NAV3: variants seen among roughly 807,000 people sequenced by gnomAD.
NAV3 encodes pore membrane and/or filament interacting like protein 1.
A neutral mutation model predicts 244.7 loss-of-function variants in NAV3; 87 were observed. The observed-to-expected ratio is 0.36, with a 90% CI of 0.30 to 0.42. NAV3 has a LOEUF of 0.42. NAV3 is among the 20% of genes least tolerant of loss of function. The pLI is 1.00. For synonymous variants in NAV3, 1,126 were observed against 1,042.2 expected (o/e 1.08, Z -1.55); for missense variants, 2,663 against 2,893.3 (o/e 0.92, Z 1.83).
intron 2 of NAV3, among the ~76,000 whole-genome samples, chr12:77,704,473 A>G (rs1183338495): frequency 6.6e-6 from 1 of 152,188 alleles, no homozygotes; most frequent in African/African-American, 2.4e-5. Flanking sequence ...TATCCAAAAT[A>G]GTATTGTGTA....
intron 2 of NAV3, among the ~76,000 whole-genome samples, chr12:77,732,982 T>G (rs1306732232): frequency 6.6e-6 from 1 of 152,048 alleles, no homozygotes; most frequent in Non-Finnish European, 1.5e-5. Context: ...AAGAGCCTTG[T>G]CATAGTGAAG....
chr12:77,834,967 G>T (rs750957991), intron 1 of NAV3, among the ~76,000 whole-genome samples: 6 of 152,078 alleles, frequency 3.9e-5, no homozygotes, highest in Admixed American at 6.6e-5. Flanking sequence ...GGCTGCAAAA[G>T]CAGAAAAGTC....
At chr12:78,045,542 C>T (rs2137147107) in intron 9 of NAV3, among the ~76,000 whole-genome samples, 1 of 152,292 alleles carries the variant, frequency 6.6e-6, no homozygotes, top group East Asian at 1.9e-4. Context: ...ATCTGCCCAC[C>T]TCAGCCTCCC....
intron 2 of NAV3, among the ~76,000 whole-genome samples, chr12:77,623,223 A>G (rs1383116676): frequency 6.6e-6 from 1 of 152,232 alleles, no homozygotes; most frequent in Non-Finnish European, 1.5e-5. Flanking sequence ...GATTTTTTAT[A>G]TTAAAATTAG....
At chr12:78,030,768 A>G (rs550703416) in intron 9 of NAV3, among the ~76,000 whole-genome samples, 1 of 152,324 alleles carries the variant, frequency 6.6e-6, no homozygotes, top group Admixed American at 6.5e-5. Flanking sequence ...GGAAACAACT[A>G]ACTTAGCTGT....
chr12:77,626,560 A>G (rs1029729001), intron 2 of NAV3, among the ~76,000 whole-genome samples: 1 of 152,142 alleles, frequency 6.6e-6, no homozygotes, highest in African/African-American at 2.4e-5. Flanking sequence ...AAAAGCATCC[A>G]GTCACATATA....
At chr12:77,647,135 C>T (rs1032240901) in intron 2 of NAV3, among the ~76,000 whole-genome samples, 16 of 151,746 alleles carry the variant, frequency 1.1e-4, no homozygotes, top group African/African-American at 2.2e-4. Context: ...AAGGTAACGA[C>T]GGTAGCAGCA....
chr12:78,081,631 G>A (rs1953357963), intron 12 of NAV3, among the ~76,000 whole-genome samples: 2 of 152,128 alleles, frequency 1.3e-5, no homozygotes, highest in Non-Finnish European at 2.9e-5. Flanking sequence ...ATAGGCAGGG[G>A]CAAATCTGGA....
rs368239669 is a variant in NAV3, at chr12:78,188,209, C to T, written c.5791-39C>T. 150 of 1,403,630 alleles carry T rather than the reference C, an allele frequency of 1.1e-4. 1 individual carries two copies. The highest frequency in any genetic ancestry group is 7.8e-4 in the South Asian group (66 of 84,416). 86.9% of individuals were successfully genotyped at this position (1,403,630 alleles called of 1,614,324 possible). Reference sequence around the variant, plus strand: ...AAAATGTAGTAATAAAAAAGATACACGGTTGGATTTTATCTTACTTTATTT... The same window carrying T: ...AAAATGTAGTAATAAAAAAGATACATGGTTGGATTTTATCTTACTTTATTT... On this transcript the variant is annotated intron_variant, in intron 31 of 39. Coordinates refer to ENST00000397909, the MANE Select transcript of NAV3 (RefSeq NM_001024383.2).
chr12:78,095,602 C>G (rs547762975), intron 12 of NAV3, among the ~76,000 whole-genome samples: 136 of 152,182 alleles, frequency 8.9e-4, no homozygotes, highest in African/African-American at 3.2e-3. Flanking sequence ...GGGAGAGATA[C>G]CAGTTAGGAG....
At chr12:77,662,516 A>C (rs1476873324) in intron 2 of NAV3, among the ~76,000 whole-genome samples, 1 of 152,084 alleles carries the variant, frequency 6.6e-6, no homozygotes, top group East Asian at 1.9e-4. Flanking sequence ...AAAAAGTCTA[A>C]TTCTGAAATT....
At chr12:77,595,600 C>A (rs895587274) in intron 2 of NAV3, among the ~76,000 whole-genome samples, 1 of 152,078 alleles carries the variant, frequency 6.6e-6, no homozygotes, top group Non-Finnish European at 1.5e-5. Context: ...CTGTAGTAAT[C>A]ATTTTACTAT....
At chr12:78,173,631 A>G (rs886765686) in intron 24 of NAV3, among the ~76,000 whole-genome samples, 15 of 151,650 alleles carry the variant, frequency 9.9e-5, no homozygotes, top group Middle Eastern at 3.4e-3. Flanking sequence ...AACCTCCTAC[A>G]TGAAAACCTT....
At chr12:77,579,043 A>G (rs546828476) in intron 2 of NAV3, among the ~76,000 whole-genome samples, 3 of 152,300 alleles carry the variant, frequency 2.0e-5, no homozygotes, top group Admixed American at 6.5e-5. Context: ...CTATATATAC[A>G]TGAAACAGTG....
chr12:77,679,810 A>T (rs1874371845), intron 2 of NAV3, among the ~76,000 whole-genome samples: 1 of 152,144 alleles, frequency 6.6e-6, no homozygotes, highest in South Asian at 2.1e-4. Flanking sequence ...TGACCCAGAA[A>T]AATCAAGTTG....
intron 2 of NAV3, among the ~76,000 whole-genome samples, chr12:77,787,040 A>T (rs1190200679): frequency 1.3e-5 from 2 of 151,970 alleles, no homozygotes; most frequent in Non-Finnish European, 2.9e-5. Context: ...TGAACCTCTG[A>T]TCTGATATCC....
At chr12:77,628,083 T>G (rs1871718369) in intron 2 of NAV3, among the ~76,000 whole-genome samples, 1 of 152,186 alleles carries the variant, frequency 6.6e-6, no homozygotes, top group African/African-American at 2.4e-5. Flanking sequence ...TTCTAGTGTT[T>G]GATAACACAG....
At chr12:77,665,611 A>AT (rs1873678137) in intron 2 of NAV3, among the ~76,000 whole-genome samples, 1 of 152,268 alleles carries the variant, frequency 6.6e-6, no homozygotes, top group South Asian at 2.1e-4. Context: ...ATCTGATATG[A>AT]TTTTTTTGAG....
At chr12:78,173,815 G>A (rs1439420539) in intron 24 of NAV3, among the ~76,000 whole-genome samples, 1 of 150,978 alleles carries the variant, frequency 6.6e-6, no homozygotes, top group African/African-American at 2.4e-5. Context: ...GAAAAATTAA[G>A]GGACTTATTG....
Sources: allele counts gnomAD v4.1 joint callset (sites outside exome capture counted in the v4.1 genomes callset), GRCh38; gene constraint gnomAD v4.1.1; transcripts MANE v1.5; gene names NCBI Gene and HGNC (gene_info 2026-07-23, HGNC 2026-07-21).